The following PITPNB variants were observed in gnomAD, a reference collection of about 807,000 sequenced individuals.
PITPNB encodes phosphatidylinositol transfer protein beta.
A neutral mutation model predicts 45.9 loss-of-function variants in PITPNB; 16 were observed. That is an observed-to-expected ratio of 0.35 (90% confidence interval 0.24 to 0.53). PITPNB has a LOEUF of 0.53. Among genes scored for constraint, PITPNB ranks in the 20% least tolerant of loss-of-function variants. PITPNB has a pLI of 0.93. For missense variants in PITPNB, 188 were observed against 330.5 expected (o/e 0.57, Z 3.34); for synonymous variants, 112 against 108.9 (o/e 1.03, Z -0.18).
At chr22:27,871,814 C>T (rs9608654) in intron 8 of PITPNB, among the ~76,000 whole-genome samples, 1 of 152,210 alleles carries the variant, frequency 6.6e-6, no homozygotes, top group African/African-American at 2.4e-5. Context: ...GGTAAAGCCT[C>T]TAACAGGTGT....
intron 10 of PITPNB, among the ~76,000 whole-genome samples, chr22:27,855,587 C>T (rs925073574): frequency 1.4e-4 from 21 of 152,306 alleles, no homozygotes; most frequent in Non-Finnish European, 2.8e-4. Flanking sequence ...GCAATAAATA[C>T]GTTAAAACTC....
intron 10 of PITPNB, among the ~76,000 whole-genome samples, chr22:27,857,810 G>T (rs1443140122): frequency 6.6e-6 from 1 of 152,202 alleles, no homozygotes; most frequent in African/African-American, 2.4e-5. Flanking sequence ...GGAGCAGCTG[G>T]GATGGGCTGT....
At chr22:27,911,611 T>G (rs906447781) in intron 2 of PITPNB, among the ~76,000 whole-genome samples, 1 of 152,148 alleles carries the variant, frequency 6.6e-6, no homozygotes, top group Non-Finnish European at 1.5e-5. Flanking sequence ...AGCCTGGAGA[T>G]CCAAAGAAAC....
At chr22:27,854,972 A>C in intron 10 of PITPNB, 33 bp from the exon 11 acceptor site, 1 of 1,489,128 alleles carries the variant, frequency 6.7e-7, no homozygotes, top group Non-Finnish European at 9.4e-7. Flanking sequence ...AGCTGCTGAA[A>C]TCAGACTCTA....
At chr22:27,857,770 C>A (rs1211218590) in intron 10 of PITPNB, among the ~76,000 whole-genome samples, 2 of 152,236 alleles carry the variant, frequency 1.3e-5, no homozygotes, top group Non-Finnish European at 2.9e-5. Flanking sequence ...AAGACACCCA[C>A]TGGCTGCCGG....
intron 3 of PITPNB, among the ~76,000 whole-genome samples, chr22:27,910,150 C>T (rs1935879404): frequency 6.6e-6 from 1 of 151,984 alleles, no homozygotes; most frequent in East Asian, 1.9e-4. Flanking sequence ...CAGGGTTTCA[C>T]CATGCTGACC....
intron 3 of PITPNB, among the ~76,000 whole-genome samples, chr22:27,908,268 T>G (rs1328707619): frequency 6.9e-6 from 1 of 145,382 alleles, no homozygotes; most frequent in East Asian, 2.2e-4. Flanking sequence ...GTGGGATTTT[T>G]TAAATCACCC....
chr22:27,908,810 A>G (rs1250691934), intron 3 of PITPNB, among the ~76,000 whole-genome samples: 9 of 152,220 alleles, frequency 5.9e-5, no homozygotes, highest in African/African-American at 2.2e-4. Flanking sequence ...CCATGAAAAG[A>G]CCTTCCTTAT....
chr22:27,855,957 C>T (rs1170675982), intron 10 of PITPNB, among the ~76,000 whole-genome samples: 1 of 152,190 alleles, frequency 6.6e-6, no homozygotes, highest in Non-Finnish European at 1.5e-5. Flanking sequence ...TCTGGGTAGG[C>T]ATTCTTGGCC....
chr22:27,874,236 C>A (rs918904111), intron 7 of PITPNB, among the ~76,000 whole-genome samples: 26 of 152,182 alleles, frequency 1.7e-4, no homozygotes, highest in African/African-American at 5.6e-4. Flanking sequence ...CTGGCCAGAG[C>A]AACTACTGTG....
In PITPNB at chr22:27,858,381, TCTTA is replaced by T; in HGVS notation, c.768+2_768+5del. On this transcript the variant is annotated splice_donor_variant and splice_donor_5th_base_variant and intron_variant, in intron 10 of 11. Transcript: ENST00000335272. LOFTEE classifies it high-confidence loss of function. ...TAGAGAATTGCCATAGAACAGCCAG[TCTTA>T]CTGTTTCTAGTTCTTTCTGAGTCTC... The T allele has an allele frequency of 6.2e-7, 1 of 1,601,542 alleles. No homozygotes were observed. Among genetic ancestry groups the T allele is most frequent in the Non-Finnish European group, 8.5e-7 (1 of 1,174,390 alleles).
intron 7 of PITPNB, among the ~76,000 whole-genome samples, chr22:27,885,010 T>C (rs1488197370): frequency 6.6e-6 from 1 of 151,506 alleles, no homozygotes; most frequent in East Asian, 1.9e-4. Context: ...CCAATTTCTT[T>C]TTTTTTTTCT....
chr22:27,907,329 T>TA (rs1489586280), intron 3 of PITPNB, among the ~76,000 whole-genome samples: 1 of 152,154 alleles, frequency 6.6e-6, no homozygotes, highest in Non-Finnish European at 1.5e-5. Context: ...CCTCAGCACT[T>TA]ACTACTAAAT....
chr22:27,919,163 C>G lies in PITPNB; in HGVS notation c.20+9G>C. 1.2e-6 allele frequency: 2 copies of G among 1,613,994 alleles called. No individual in the cohort carries two copies. The highest frequency in any genetic ancestry group is 1.7e-6 in the Non-Finnish European group (2 of 1,179,880). Reference sequence around the variant, plus strand: ...CCACGGCCTCGCTCGCGCCCACAGACCCACTCACAATTCCTTGATCAGCAC... The same window carrying G: ...CCACGGCCTCGCTCGCGCCCACAGAGCCACTCACAATTCCTTGATCAGCAC... On this transcript the variant is annotated intron_variant, in intron 1 of 11. Transcript: ENST00000335272.
intron 3 of PITPNB, among the ~76,000 whole-genome samples, chr22:27,902,090 G>C (rs576793751): frequency 3.0e-4 from 45 of 152,100 alleles, no homozygotes; most frequent in Non-Finnish European, 5.3e-4. Context: ...AATACAAAGA[G>C]AATTACTTAA....
intron 10 of PITPNB, among the ~76,000 whole-genome samples, chr22:27,856,902 A>T (rs1934189240): frequency 6.6e-6 from 1 of 152,172 alleles, no homozygotes; most frequent in Non-Finnish European, 1.5e-5. Context: ...AGCGAGGGCC[A>T]GGGGGGTGCT....
chr22:27,886,565 T>A (rs1051824765), intron 7 of PITPNB, among the ~76,000 whole-genome samples: 2 of 152,210 alleles, frequency 1.3e-5, no homozygotes, highest in African/African-American at 4.8e-5. Flanking sequence ...CATGGTGAAG[T>A]ATAGTTCATA....
Position 27,910,112 on chromosome 22 carries a change from A to G in PITPNB, c.197+852T>C, listed in dbSNP as rs1473427716. ...ACTATAGGCGTGCGCCACCACACCC[A>G]GGCTAATTTTTGTATTTTTAGTAGA... On this transcript the variant is annotated intron_variant, in intron 3 of 11. Coordinates refer to ENST00000335272, the MANE Select transcript of PITPNB (RefSeq NM_012399.5). Among the ~76,000 whole-genome samples, 4 of 151,818 alleles carry G rather than the reference A, an allele frequency of 2.6e-5. No homozygotes were observed. In the South Asian group the frequency reaches 6.2e-4, roughly 24 times the overall value.
chr22:27,886,191 G>A (rs1410818053), intron 7 of PITPNB, among the ~76,000 whole-genome samples: 1 of 152,172 alleles, frequency 6.6e-6, no homozygotes, highest in Non-Finnish European at 1.5e-5. Flanking sequence ...CCTATGGTAG[G>A]TACATTCTGA....
Sources: allele counts gnomAD v4.1 joint callset (sites outside exome capture counted in the v4.1 genomes callset), GRCh38; gene constraint gnomAD v4.1.1; transcripts MANE v1.5; gene names NCBI Gene and HGNC (gene_info 2026-07-23, HGNC 2026-07-21).